Variants in C11orf65 observed in about 807,000 individuals in gnomAD.
C11orf65 encodes the protein chromosome 11 open reading frame 65.
Under a neutral mutation model 35.3 loss-of-function variants are expected in C11orf65, and 38 were observed. The ratio of observed to expected loss-of-function variants is 1.08; its 90% CI spans 0.83 to 1.41. The LOEUF (loss-of-function observed/expected upper bound fraction) is 1.41, where lower values mean the gene tolerates loss of function less well. Ranked by LOEUF, C11orf65 falls within the 40% of genes most tolerant of loss-of-function variation. The pLI, the probability that C11orf65 is intolerant of heterozygous loss-of-function variation, is 0.00. For missense variants in C11orf65, 370 were observed against 367.1 expected (o/e 1.01, Z -0.06); for synonymous variants, 105 against 114.4 (o/e 0.92, Z 0.53).
At chr11:108,440,061 A>T (rs545044671) in intron 2 of C11orf65, among the ~76,000 whole-genome samples, 1 of 152,340 alleles carries the variant, frequency 6.6e-6, no homozygotes, top group South Asian at 2.1e-4. Flanking sequence ...TGTAAGTGAA[A>T]TATCTGGAAA....
intron 2 of C11orf65, chr11:108,353,980 C>A: frequency 8.6e-7 from 1 of 1,163,804 alleles, no homozygotes; most frequent in Non-Finnish European, 1.3e-6. Flanking sequence ...GCTCAAGAGG[C>A]TGAAGTGGGA....
chr11:108,458,985 T>C (rs1424210470), intron 2 of C11orf65, among the ~76,000 whole-genome samples: 4 of 152,204 alleles, frequency 2.6e-5, no homozygotes, highest in African/African-American at 9.7e-5. Context: ...CTAGTACGAG[T>C]ATCTTTTGTT....
chr11:108,326,495 G>A (rs918482877), downstream of C11orf65, among the ~76,000 whole-genome samples: 1 of 152,006 alleles, frequency 6.6e-6, no homozygotes, highest in African/African-American at 2.4e-5. Context: ...ATTCAAGAAA[G>A]GTATGTGGGA....
intron 6 of C11orf65, among the ~76,000 whole-genome samples, chr11:108,399,682 G>A (rs1365049014): frequency 1.3e-5 from 2 of 152,136 alleles, no homozygotes; most frequent in African/African-American, 2.4e-5. Flanking sequence ...GCTTACTTGG[G>A]CCTTCTGGAC....
At chr11:108,446,687 T>C (rs2093265861) in intron 2 of C11orf65, among the ~76,000 whole-genome samples, 2 of 152,222 alleles carry the variant, frequency 1.3e-5, no homozygotes, top group Non-Finnish European at 1.5e-5. Flanking sequence ...CATGCCAAAA[T>C]GTAAAGACCA....
At chr11:108,407,009 A>T in intron 4 of C11orf65, 46 bp from the exon 5 acceptor site, 1 of 1,571,922 alleles carries the variant, frequency 6.4e-7, no homozygotes, top group African/African-American at 1.4e-5. Context: ...TAACTACAAA[A>T]ATGTTTTACA....
chr11:108,329,588 T>A (rs144243166), downstream of C11orf65, among the ~76,000 whole-genome samples: 321 of 152,220 alleles, frequency 2.1e-3, no homozygotes, highest in African/African-American at 7.4e-3. Context: ...TTTTTGTATT[T>A]TTTGTAGAGA....
chr11:108,460,726 TTTGTTGTTG>T (rs59315807), intron 2 of C11orf65, among the ~76,000 whole-genome samples: 2 of 150,992 alleles, frequency 1.3e-5, no homozygotes, highest in Non-Finnish European at 2.9e-5. Context: ...AAAAGTCTGC[TTTGTTGTTG>T]TTGTTGTTGT....
chr11:108,332,988 C>A, intron 3 of C11orf65: 1 of 1,490,494 alleles, frequency 6.7e-7, no homozygotes, highest in Non-Finnish European at 9.2e-7. Flanking sequence ...ATAAGTAAAT[C>A]TGCTTAAAAT....
chr11:108,391,903 G>A (rs935872477), intron 7 of C11orf65, among the ~76,000 whole-genome samples: 1 of 152,096 alleles, frequency 6.6e-6, no homozygotes, highest in Non-Finnish European at 1.5e-5. Flanking sequence ...TTATGGCATA[G>A]ATCAGAACTT....
chr11:108,431,671 A>G (rs1287757649), intron 3 of C11orf65, 75 bp downstream of exon 3: 1 of 748,476 alleles, frequency 1.3e-6, no homozygotes, highest in Non-Finnish European at 2.0e-6. Flanking sequence ...AAATATGATG[A>G]GCACACTGAA....
At chr11:108,327,751 T>G, downstream of C11orf65, 1 of 1,613,210 alleles carries the variant, frequency 6.2e-7, no homozygotes, top group Non-Finnish European at 8.5e-7. Context: ...CAGACCTATC[T>G]AGAAAAGGTA....
rs3218670 is a variant in C11orf65 at position 108,316,016 on chromosome 11, G to C, written c.641-6945C>G. ...TTCACAATCTTTTCTTATAGACTAC[G>C]AACATATGAACACGAAGCAATGTGG... On this transcript the variant is annotated intron_variant, in intron 6 of 6. Coordinates refer to the C11orf65 transcript ENST00000525729. 1 of 1,614,018 alleles carries C rather than the reference G, an allele frequency of 6.2e-7. No individual in the cohort carries two copies. The highest frequency in any genetic ancestry group is 8.5e-7 in the Non-Finnish European group (1 of 1,179,960).
chr11:108,427,448 G>A (rs555117331), intron 3 of C11orf65, among the ~76,000 whole-genome samples: 9 of 194 alleles, frequency 0.046, no homozygotes, highest in East Asian at 0.25. Context: ...TCGGCCGGGC[G>A]CGGGCTGACG....
intron 3 of C11orf65, among the ~76,000 whole-genome samples, chr11:108,427,175 CA>C (rs1019423598): frequency 1.3e-5 from 2 of 151,952 alleles, no homozygotes; most frequent in African/African-American, 2.4e-5. Flanking sequence ...CAATAAAAGC[CA>C]AAAGTGACAA....
At chr11:108,355,179 G>T in intron 2 of C11orf65, 5 of 339,914 alleles carry the variant, frequency 1.5e-5, no homozygotes, top group South Asian at 3.7e-5. Context: ...TTTTCAGAAT[G>T]GTTTCCATTA....
At chr11:108,393,464 A>G in intron 6 of C11orf65, 86 bp from the exon 7 acceptor site, 1 of 1,225,256 alleles carries the variant, frequency 8.2e-7, no homozygotes, top group African/African-American at 1.5e-5. Flanking sequence ...GTTGCTATTT[A>G]CATATTAAAA....
At chr11:108,309,925 T>C (rs1396945667) in intron 6 of C11orf65, among the ~76,000 whole-genome samples, 6 of 152,128 alleles carry the variant, frequency 3.9e-5, no homozygotes, top group Non-Finnish European at 4.4e-5. Flanking sequence ...ACAGGTTTTA[T>C]CAGATTCTCT....
intron 6 of C11orf65, chr11:108,325,590 T>G: frequency 6.8e-7 from 1 of 1,480,008 alleles, no homozygotes; most frequent in African/African-American, 1.4e-5. Context: ...TGACTTTCCT[T>G]TTATTATTTA....
Sources: gnomAD v4.1 joint callset for allele counts (sites outside exome capture counted in the v4.1 genomes callset) on GRCh38, gnomAD v4.1.1 for gene constraint, MANE v1.5 for transcripts, NCBI Gene and HGNC (gene_info 2026-07-23, HGNC 2026-07-21) for gene names.